Variants in TASP1 observed in about 807,000 individuals in gnomAD.
TASP1 encodes the protein threonine aspartase 1.
Under a neutral mutation model 56.6 loss-of-function variants are expected in TASP1, and 16 were observed. That is an observed-to-expected ratio of 0.28 (90% CI 0.19 to 0.43). TASP1 has a LOEUF of 0.43. Among genes scored for constraint, TASP1 ranks in the 20% least tolerant of loss-of-function variants. TASP1 has a pLI of 1.00. For synonymous variants in TASP1, 179 were observed against 184.2 expected, an observed-to-expected ratio of 0.97 and a Z score of 0.23; for missense variants, 393 against 511.6, an observed-to-expected ratio of 0.77 and a Z score of 2.24.
chr20:13,136,351 C>T, the TASP1 span, among the ~76,000 whole-genome samples: 1 of 152,098 alleles, frequency 6.6e-6, no homozygotes, highest in Non-Finnish European at 1.5e-5. Flanking sequence ...AATTCCAGCA[C>T]TTTGCGAGGC....
At chr20:13,439,128 C>G (rs2043125502) in intron 11 of TASP1, among the ~76,000 whole-genome samples, 1 of 152,170 alleles carries the variant, frequency 6.6e-6, no homozygotes, top group African/African-American at 2.4e-5. Flanking sequence ...ACTAGAAACA[C>G]CATTTGACCC....
chr20:13,443,639 CTA>C (rs2043299210), intron 11 of TASP1, among the ~76,000 whole-genome samples: 1 of 152,184 alleles, frequency 6.6e-6, no homozygotes, highest in Admixed American at 6.5e-5. Context: ...TAAATCCAGA[CTA>C]TACACAAATT....
the TASP1 span, among the ~76,000 whole-genome samples, chr20:13,163,730 T>C: frequency 7.9e-5 from 12 of 152,118 alleles, no homozygotes; most frequent in African/African-American, 2.9e-4. Context: ...ATAAGATCTA[T>C]TAGTCACCCA....
At chr20:13,413,146 C>T (rs1400822010) in intron 13 of TASP1, among the ~76,000 whole-genome samples, 7 of 152,032 alleles carry the variant, frequency 4.6e-5, no homozygotes, top group African/African-American at 1.7e-4. Flanking sequence ...GAACAGAAAT[C>T]CTGGCACGAC....
chr20:13,178,779 G>T, the TASP1 span, among the ~76,000 whole-genome samples: 2 of 151,894 alleles, frequency 1.3e-5, no homozygotes, highest in African/African-American at 2.4e-5. Context: ...GGAGGAATGG[G>T]GAGAGACTTA....
chr20:13,387,071 G>A (rs188662758), downstream of TASP1, among the ~76,000 whole-genome samples: 50 of 151,776 alleles, frequency 3.3e-4, no homozygotes, highest in East Asian at 2.3e-3. Context: ...CTTTGTGTCC[G>A]TGTGAACTCA....
intron 10 of TASP1, among the ~76,000 whole-genome samples, chr20:13,510,268 T>A (rs567362977): frequency 1.3e-4 from 20 of 152,312 alleles, no homozygotes; most frequent in African/African-American, 4.8e-4. Context: ...AAAGAGTTTA[T>A]TAATTTCCAC....
intron 11 of TASP1, among the ~76,000 whole-genome samples, chr20:13,457,027 AACCAAAC>A (rs2043867093): frequency 6.6e-6 from 1 of 152,080 alleles, no homozygotes; most frequent in East Asian, 1.9e-4. Flanking sequence ...AAGGACAGAA[AACCAAAC>A]ACCGCATGTT....
intron 1 of TASP1, among the ~76,000 whole-genome samples, chr20:13,631,319 TTGAG>T (rs1239939273): frequency 4.6e-5 from 7 of 152,354 alleles, no homozygotes; most frequent in East Asian, 1.9e-4. Context: ...TGATTTTTAA[TTGAG>T]TAACAGTAAA....
chr20:13,406,374 C>G (rs6109863), intron 13 of TASP1, among the ~76,000 whole-genome samples: 15,871 of 152,200 alleles, frequency 0.1, 1,647 homozygotes, highest in African/African-American at 0.27. Context: ...TCAGGGAACA[C>G]GTCTTGCACA....
the TASP1 span, among the ~76,000 whole-genome samples, chr20:13,347,352 A>T: frequency 6.6e-6 from 1 of 152,118 alleles, no homozygotes; most frequent in South Asian, 2.1e-4. Flanking sequence ...AGTAGATGGG[A>T]GTCATTGTGC....
At chr20:13,627,508 T>G (rs1267613426) in intron 2 of TASP1, among the ~76,000 whole-genome samples, 1 of 152,056 alleles carries the variant, frequency 6.6e-6, no homozygotes, top group Non-Finnish European at 1.5e-5. Flanking sequence ...TCCCAACACT[T>G]TGGGAGGCCG....
the TASP1 span, chr20:13,167,239 A>AAT: frequency 1.3e-5 from 2 of 152,030 alleles, no homozygotes; most frequent in South Asian, 2.1e-4. Flanking sequence ...CTAGGCTAAT[A>AAT]AGTTCATGAT....
intron 4 of TASP1, among the ~76,000 whole-genome samples, chr20:13,615,649 C>A (rs1255227826): frequency 6.6e-6 from 1 of 151,568 alleles, no homozygotes; most frequent in African/African-American, 2.4e-5. Flanking sequence ...GGACTACAGG[C>A]ACCCGGACTA....
chr20:13,394,502 T>C (rs1490272787), intron 13 of TASP1, among the ~76,000 whole-genome samples: 23 of 151,424 alleles, frequency 1.5e-4, no homozygotes, highest in African/African-American at 3.9e-4. Flanking sequence ...GTCCCAGCTA[T>C]TCGGGAGGCT....
the TASP1 span, among the ~76,000 whole-genome samples, chr20:13,350,966 G>GAAA: frequency 8.1e-6 from 1 of 122,838 alleles, no homozygotes. Context: ...TTCCAAAAGT[G>GAAA]AAAAAAAAAA....
chr20:13,322,951 A>G, the TASP1 span, among the ~76,000 whole-genome samples: 4 of 152,208 alleles, frequency 2.6e-5, no homozygotes, highest in African/African-American at 4.8e-5. Flanking sequence ...TGGGTTAAAA[A>G]GAGTCCCTGG....
At chr20:13,328,639 A>C in the TASP1 span, among the ~76,000 whole-genome samples, 5 of 152,244 alleles carry the variant, frequency 3.3e-5, no homozygotes, top group East Asian at 3.8e-4. Flanking sequence ...AAAAGGAATG[A>C]GATCGTGCCT....
chr20:13,636,690 G>A (rs985359262), intron 1 of TASP1, among the ~76,000 whole-genome samples: 2 of 151,942 alleles, frequency 1.3e-5, no homozygotes, highest in African/African-American at 2.4e-5. Context: ...CAGAAAAACG[G>A]TTAAGAAAAC....
Sources: allele counts gnomAD v4.1 joint callset (sites outside exome capture counted in the v4.1 genomes callset), GRCh38; gene constraint gnomAD v4.1.1; transcripts MANE v1.5; gene names NCBI Gene and HGNC (gene_info 2026-07-23, HGNC 2026-07-21).